The following UQCRB variants were observed in gnomAD, a reference collection of about 807,000 sequenced individuals.
UQCRB encodes the protein cytochrome b-c1 complex subunit 7.
A neutral mutation model predicts 19.8 loss-of-function variants in UQCRB; 12 were observed. That is an observed-to-expected ratio of 0.61 (90% CI 0.39 to 0.98). UQCRB has a LOEUF of 0.98. Among genes scored for constraint, UQCRB ranks in the 50% least tolerant of loss-of-function variants. The pLI, the probability that UQCRB is intolerant of heterozygous loss-of-function variation, is 0.00. For missense variants in UQCRB, 142 were observed against 131.8 expected (o/e 1.08, Z -0.38); for synonymous variants, 39 against 42.9 (o/e 0.91, Z 0.35).
rs773125596 is a variant in UQCRB at position 96,230,851 on chromosome 8, T to C, written c.*204A>G. 3 of 706,610 alleles carry C rather than the reference T, an allele frequency of 4.2e-6. No individual in the cohort carries two copies. Among genetic ancestry groups the C allele is most frequent in the Non-Finnish European group, 7.8e-6 (3 of 385,114 alleles). 43.8% of individuals were successfully genotyped at this position (706,610 alleles called of 1,614,324 possible). On this transcript the variant is annotated 3_prime_UTR_variant, in exon 4 of 4. Coordinates refer to ENST00000287022, the MANE Select transcript of UQCRB (RefSeq NM_006294.5). ...CAAGTAGCAGTTAAACACAACTAAA[T>C]ATATCTTGAAAGTTTGGAAAAAAAT...
At chr8:96,233,095 A>G (rs1252806508) in intron 2 of UQCRB, 61 bp downstream of exon 2, 8 of 867,708 alleles carry the variant, frequency 9.2e-6, no homozygotes, top group Non-Finnish European at 1.3e-5. Flanking sequence ...TCAGAAAAAC[A>G]AAAAAAAAAA....
At chr8:96,234,389 ATG>A in intron 1 of UQCRB, 1 of 638,294 alleles carries the variant, frequency 1.6e-6, no homozygotes, top group Non-Finnish European at 2.5e-6. Flanking sequence ...ATTTATTTAC[ATG>A]TCTGTTACTA....
Position 96,230,157 on chromosome 8 carries a change from C to T in UQCRB, c.*898G>A, listed in dbSNP as rs28643549. On this transcript the variant is annotated 3_prime_UTR_variant, in exon 4 of 4. Coordinates refer to ENST00000287022, the MANE Select transcript of UQCRB (RefSeq NM_006294.5). ...GTGGTGTGATCTAGGCTCACTGCAA[C>T]CTCCACCTCCTGGGGTCAAGCAATT... The T allele has an allele frequency of 2.9e-3, 1,322 of 453,742 alleles. 16 individuals are homozygous for T. Among genetic ancestry groups the T allele is most frequent in the African/African-American group, 0.024 (1,184 of 50,100 alleles). 28.1% of individuals were successfully genotyped at this position (453,742 alleles called of 1,614,324 possible). A position where few individuals can be genotyped will look rare whatever the true frequency, so the allele number is the denominator to read the frequency against.
In UQCRB at chr8:96,234,514, A is replaced by G. The variant is rs779883509; in HGVS notation, c.19+998T>C. 3.1e-6 allele frequency: 4 copies of G among 1,288,378 alleles called. No homozygotes were observed. The South Asian group carries it at 4.9e-5, about 16-fold the overall frequency. 79.8% of individuals were successfully genotyped at this position (1,288,378 alleles called of 1,614,324 possible). On this transcript the variant is annotated intron_variant, in intron 1 of 3. Coordinates refer to ENST00000287022, the MANE Select transcript of UQCRB (RefSeq NM_006294.5). ...AACACGCACAGAAGCAGTGTCTTGA[A>G]TTTAGTAAGACTCCTTCAATATCTG... is the stretch of plus-strand genomic sequence containing the variant.
chr8:96,233,250 T>A (rs1809718929), intron 1 of UQCRB, 23 bp from the exon 2 acceptor site: 2 of 1,610,736 alleles, frequency 1.2e-6, no homozygotes, highest in Admixed American at 1.7e-5. Flanking sequence ...ACACTGTTAA[T>A]TGCTACAATT....
At position 96,229,669 on chromosome 8, in the gene UQCRB, GC is replaced by G; in HGVS notation, c.*1385del. ...AAAACCTTGTCACAATGTGACCTGA[GC>G]AAAACCATTATCAAGTGATCTAGTT... On this transcript the variant is annotated 3_prime_UTR_variant, in exon 4 of 4. Transcript: ENST00000287022. 1 of 453,224 alleles carries G rather than the reference GC, an allele frequency of 2.2e-6. No individual in the cohort carries two copies. Among genetic ancestry groups the G allele is most frequent in the Non-Finnish European group, 4.4e-6 (1 of 226,684 alleles). 28.1% of individuals were successfully genotyped at this position (453,224 alleles called of 1,614,324 possible).
rs117632074 is a variant in UQCRB at position 96,228,519 on chromosome 8, C to T, written c.*2536G>A. On this transcript the variant is annotated 3_prime_UTR_variant, in exon 4 of 4. Coordinates refer to ENST00000287022, the MANE Select transcript of UQCRB (RefSeq NM_006294.5). Reference sequence around the variant, plus strand: ...TAGAAGGAAGAGAGGAGACCTTGGACCTTAGCTACTGGTTAGCTATTCGAC... The same window carrying T: ...TAGAAGGAAGAGAGGAGACCTTGGATCTTAGCTACTGGTTAGCTATTCGAC... 1.9e-3 allele frequency: 849 copies of T among 454,074 alleles called. 21 individuals carry two copies. The East Asian group carries it at 0.053, about 29-fold the overall frequency. The allele number at this position is 454,074 out of a possible 1,614,324, so 28.1% of individuals were successfully genotyped here. A position where few individuals can be genotyped will look rare whatever the true frequency, so the allele number is the denominator to read the frequency against.
rs1809619525 is a variant in UQCRB at position 96,229,895 on chromosome 8, C to CA, written c.*1159_*1160insT. 1 of 436,386 alleles carries CA rather than the reference C, an allele frequency of 2.3e-6. No individual in the cohort carries two copies. Among genetic ancestry groups the CA allele is most frequent in the Admixed American group, 2.4e-5 (1 of 41,080 alleles). 27.0% of individuals were successfully genotyped at this position (436,386 alleles called of 1,614,324 possible). On this transcript the variant is annotated 3_prime_UTR_variant, in exon 4 of 4. Transcript: ENST00000287022. ...ACAAACTTTAAATGTAACACAAATT[C>CA]GTTTTTCACACTGTTTTGTTATTTG... is the stretch of plus-strand genomic sequence containing the variant.
intron 2 of UQCRB, 50 bp downstream of exon 2, chr8:96,233,106 C>G (rs749050934): frequency 6.7e-7 from 1 of 1,493,136 alleles, no homozygotes; most frequent in South Asian, 1.2e-5. Context: ...AAAAAAAAAA[C>G]AAAGAAACAA....
chr8:96,231,544 C>T, intron 3 of UQCRB: 1 of 1,461,052 alleles, frequency 6.8e-7, no homozygotes. Context: ...GGATTTTAGT[C>T]CTGGCTCTCT....
rs1283510440 is a variant in UQCRB at position 96,223,025 on chromosome 8, G to A, written c.*8030C>T. On this transcript the variant is annotated 3_prime_UTR_variant, in exon 4 of 4. Coordinates refer to ENST00000287022, the MANE Select transcript of UQCRB (RefSeq NM_006294.5). ...ACAGAGAAGAATGGTGGTTTCCAGA[G>A]TGGGAAGGATCAGGAAATGGGGAGA... Among the ~76,000 whole-genome samples the A allele has an allele frequency of 6.6e-6, 1 of 151,924 alleles. No individual in the cohort carries two copies. The highest frequency in any genetic ancestry group is 1.5e-5 in the Non-Finnish European group (1 of 68,028).
In UQCRB at chr8:96,231,900, T is replaced by A. The variant is rs1428249822; in HGVS notation, c.132A>T (p.Val44=). Residue 44 remains valine, a synonymous_variant, in exon 3 of 4, where the codon GTA becomes GTT. Transcript: ENST00000287022. ...RDDTIYEDED[V]KEAIRRLPEN... ...CAGGAAGTCTTCTTATGGCTTCTTTTACATCTTCATCCTCGTATATTGTAT... is the reference window on the plus strand; with the variant it reads ...CAGGAAGTCTTCTTATGGCTTCTTTAACATCTTCATCCTCGTATATTGTAT... The A allele has an allele frequency of 6.8e-6, 11 of 1,613,960 alleles. No individual in the cohort carries two copies. The highest frequency in any genetic ancestry group is 1.7e-4 in the Middle Eastern group (1 of 6,060).
At chr8:96,233,094 CAA>C (rs373845817) in intron 2 of UQCRB, 60 bp downstream of exon 2, 30 of 1,179,546 alleles carry the variant, frequency 2.5e-5, no homozygotes, top group South Asian at 3.1e-5. Context: ...CTCAGAAAAA[CAA>C]AAAAAAAAAC....
rs74501595 is a variant in UQCRB at position 96,224,022 on chromosome 8, C to T, written c.*7033G>A. On this transcript the variant is annotated 3_prime_UTR_variant, in exon 4 of 4. Coordinates refer to ENST00000287022, the MANE Select transcript of UQCRB (RefSeq NM_006294.5). ...AGTTAGCTTACCTCAAAGAAGCAAG[C>T]TTTGGTTTTCCAGGAACTGACCACA... Among the ~76,000 whole-genome samples, 1 of 152,284 alleles carries T rather than the reference C, an allele frequency of 6.6e-6. No homozygotes were observed. The highest frequency in any genetic ancestry group is 1.5e-5 in the Non-Finnish European group (1 of 68,032).
Position 96,231,903 on chromosome 8 carries a change from A to G in UQCRB, c.129T>C (p.Asp43=). 1.9e-6 allele frequency: 3 copies of G among 1,613,908 alleles called. No individual in the cohort carries two copies. Among genetic ancestry groups the G allele is most frequent in the Non-Finnish European group, 2.5e-6 (3 of 1,180,032 alleles). ...GAAGTCTTCTTATGGCTTCTTTTAC[A>G]TCTTCATCCTCGTATATTGTATCAT... ...MRDDTIYEDE[D]VKEAIRRLPE... Residue 43 remains aspartate, a synonymous_variant, in exon 3 of 4, where the codon GAT becomes GAC. Transcript: ENST00000287022.
Position 96,233,270 on chromosome 8 carries a change from T to C in UQCRB, c.20-43A>G, listed in dbSNP as rs375156056. The C allele has an allele frequency of 4.0e-5, 63 of 1,583,716 alleles. No individual in the cohort carries two copies. In the African/African-American group the frequency reaches 7.8e-4, roughly 20 times the overall value. On this transcript the variant is annotated intron_variant, in intron 1 of 3. Coordinates refer to ENST00000287022, the MANE Select transcript of UQCRB (RefSeq NM_006294.5). ...GTTAATTGCTACAATTTAATTATAC[T>C]ATATGAACACATTGATAGGCAAGCA... is the stretch of plus-strand genomic sequence containing the variant.
chr8:96,223,354 T>A lies in UQCRB; in HGVS notation c.*7701A>T, dbSNP rs1185386861. Among the ~76,000 whole-genome samples, 1 of 152,210 alleles carries A rather than the reference T, an allele frequency of 6.6e-6. No homozygotes were observed. Among genetic ancestry groups the A allele is most frequent in the African/African-American group, 2.4e-5 (1 of 41,458 alleles). On this transcript the variant is annotated 3_prime_UTR_variant, in exon 4 of 4. Coordinates refer to ENST00000287022, the MANE Select transcript of UQCRB (RefSeq NM_006294.5). ...AGACAGAATTTAACTTTCCATTTGC[T>A]CACTTGCAAAGTGTGATCTTGTACC...
chr8:96,233,126 CA>C, intron 2 of UQCRB, 29 bp downstream of exon 2: 2 of 1,594,526 alleles, frequency 1.3e-6, no homozygotes, highest in Non-Finnish European at 1.7e-6. Flanking sequence ...ACAACAACAA[CA>C]AAAAACATTA....
chr8:96,231,774 C>G lies in UQCRB; in HGVS notation c.258G>C (p.Glu86Asp). Residue 86 changes from glutamate (E) to aspartate (D), a missense_variant and splice_region_variant, in exon 3 of 4, where the codon GAG (glutamate) becomes GAC (aspartate). Glu to Asp is a conservative substitution (Grantham distance 45). Around this residue, in one of 2 missense-constraint regions of UQCRB, gnomAD observed 132 missense variants for 107.5 expected, o/e 1.23. Coordinates refer to ENST00000287022, the MANE Select transcript of UQCRB (RefSeq NM_006294.5). Reference protein sequence around the residue: ...LPKEQWTKYEEENFYLEPYLK... With the variant: ...LPKEQWTKYEDENFYLEPYLK... ...TGTCAGGTAGATAAAGCTGTGCTACCTCTTCATATTTGGTCCACTGCTCTT... is the reference window on the plus strand; with the variant it reads ...TGTCAGGTAGATAAAGCTGTGCTACGTCTTCATATTTGGTCCACTGCTCTT... 1 of 1,614,170 alleles carries G rather than the reference C, an allele frequency of 6.2e-7. No individual in the cohort carries two copies. Among genetic ancestry groups the G allele is most frequent in the Non-Finnish European group, 8.5e-7 (1 of 1,180,026 alleles).
Sources: gnomAD v4.1 joint callset for allele counts (sites outside exome capture counted in the v4.1 genomes callset) on GRCh38, gnomAD v4.1.1 for gene constraint, gnomAD v4.1.1 regional missense constraint, MANE v1.5 for transcripts, NCBI Gene and HGNC (gene_info 2026-07-23, HGNC 2026-07-21) for gene names.